Variants in EFL1 observed in about 807,000 individuals in gnomAD.
EFL1 encodes elongation factor-like GTPase 1.
EFL1 carries 76 observed loss-of-function variants against 126.7 expected under a neutral mutation model. That is an observed-to-expected ratio of 0.60 (90% CI 0.50 to 0.73). EFL1 has a LOEUF of 0.73. EFL1 is among the 30% of genes least tolerant of loss of function. The probability of loss-of-function intolerance (pLI) is 0.00; values close to 1 mark genes in which losing one functional copy is unlikely to be tolerated. For missense variants in EFL1, 1,128 were observed against 1,343.2 expected (o/e 0.84, Z 2.50); for synonymous variants, 410 against 448.4 (o/e 0.91, Z 1.08).
intron 19 of EFL1, among the ~76,000 whole-genome samples, chr15:82,131,085 T>TATTC (rs1168427032): frequency 2.0e-5 from 3 of 152,182 alleles, no homozygotes; most frequent in Non-Finnish European, 2.9e-5. Flanking sequence ...ACAAAACTTG[T>TATTC]AACATACATT....
chr15:82,219,592 T>C (rs1208227271), intron 14 of EFL1, 60 bp downstream of exon 14: 6 of 1,526,192 alleles, frequency 3.9e-6, no homozygotes, highest in Non-Finnish European at 4.4e-6. Flanking sequence ...CCCAACAAAA[T>C]GTGAAAAGAT....
At chr15:82,185,830 C>T (rs896557595) in intron 15 of EFL1, among the ~76,000 whole-genome samples, 6 of 152,044 alleles carry the variant, frequency 3.9e-5, no homozygotes, top group African/African-American at 1.2e-4. Flanking sequence ...AATCAAGGGG[C>T]GTATTTGCAT....
Position 82,262,724 on chromosome 15 carries a change from C to A in EFL1, c.-130G>T. On this transcript the variant is annotated 5_prime_UTR_variant, in exon 1 of 20. Coordinates refer to ENST00000268206, the MANE Select transcript of EFL1 (RefSeq NM_024580.6). ...TCCGACACGCCCGCGCGCCAGGGGG[C>A]GGGGCCGGCTGTCGCTCGACCTTTC... 1 of 871,294 alleles carries A rather than the reference C, an allele frequency of 1.1e-6. No individual in the cohort carries two copies. The highest frequency in any genetic ancestry group is 1.7e-6 in the Non-Finnish European group (1 of 592,692). 54.0% of individuals were successfully genotyped at this position (871,294 alleles called of 1,614,324 possible).
intron 12 of EFL1, among the ~76,000 whole-genome samples, chr15:82,221,048 C>T (rs541955623): frequency 6.6e-6 from 1 of 152,230 alleles, no homozygotes; most frequent in Admixed American, 6.5e-5. Context: ...CAAGACCAAA[C>T]CCTGTCCTAA....
At chr15:82,184,167 TG>T (rs2074279763) in intron 15 of EFL1, among the ~76,000 whole-genome samples, 1 of 152,230 alleles carries the variant, frequency 6.6e-6, no homozygotes, top group African/African-American at 2.4e-5. Context: ...TCATTATAAA[TG>T]TCTATCTTTG....
chr15:82,171,231 T>C (rs192115977), intron 15 of EFL1, among the ~76,000 whole-genome samples: 1 of 152,248 alleles, frequency 6.6e-6, no homozygotes, highest in Non-Finnish European at 1.5e-5. Context: ...CACCTTGAAC[T>C]GTGAGCTATT....
Position 82,233,979 on chromosome 15 carries a change from G to C in EFL1, c.732-3008C>G, listed in dbSNP as rs539488071. Reference sequence around the variant, plus strand: ...CATATCAACTTGTTGAGAACAGACAGTAGCCAATCTCTAAATCTGACCTTG... The same window carrying C: ...CATATCAACTTGTTGAGAACAGACACTAGCCAATCTCTAAATCTGACCTTG... On this transcript the variant is annotated intron_variant, in intron 7 of 19. Coordinates refer to ENST00000268206, the MANE Select transcript of EFL1 (RefSeq NM_024580.6). Among the ~76,000 whole-genome samples, 28 of 152,300 alleles carry C rather than the reference G, an allele frequency of 1.8e-4. No individual in the cohort carries two copies. The East Asian group carries it at 3.3e-3, about 18-fold the overall frequency.
intron 14 of EFL1, among the ~76,000 whole-genome samples, chr15:82,219,134 C>T (rs1414345622): frequency 6.6e-6 from 1 of 152,186 alleles, no homozygotes; most frequent in Non-Finnish European, 1.5e-5. Flanking sequence ...TGTTCTGAGA[C>T]ATCTCTAGCC....
At chr15:82,163,151 G>T (rs1341214862) in intron 16 of EFL1, among the ~76,000 whole-genome samples, 1 of 152,206 alleles carries the variant, frequency 6.6e-6, no homozygotes, top group Non-Finnish European at 1.5e-5. Context: ...AATTCTCAGT[G>T]TGCAGATAAT....
intron 15 of EFL1, among the ~76,000 whole-genome samples, chr15:82,211,241 T>A (rs2074581008): frequency 6.6e-6 from 1 of 151,696 alleles, no homozygotes; most frequent in Non-Finnish European, 1.5e-5. Flanking sequence ...TATACCAGAC[T>A]CTCGGCTGGG....
chr15:82,151,471 C>G lies in EFL1; in HGVS notation c.2983G>C (p.Val995Leu). The G allele has an allele frequency of 1.2e-6, 2 of 1,607,576 alleles. No homozygotes were observed. Among genetic ancestry groups the G allele is most frequent in the Non-Finnish European group, 1.7e-6 (2 of 1,177,430 alleles). The change falls in exon 18 of 20, where the codon GTT becomes CTT. Residue 995 changes from valine to leucine, a missense_variant. This residue lies in a region of EFL1 where 561 missense variants were observed against 641.7 expected (regional missense o/e 0.87). Transcript: ENST00000268206. ...YTCDIMATGD[V>L]LGRVYAVLSK... ...TTTACCTTTTCTTCCTTACCGAGAA[C>G]ATCACCAGTGGCCATGATGTCACAT... is the stretch of plus-strand genomic sequence containing the variant.
chr15:82,200,283 G>A (rs1239507307), intron 15 of EFL1, among the ~76,000 whole-genome samples: 1 of 152,178 alleles, frequency 6.6e-6, no homozygotes, highest in African/African-American at 2.4e-5. Context: ...TAGAAAATAA[G>A]AGAATTTTTT....
chr15:82,181,621 CAT>C lies in EFL1; in HGVS notation c.1751-17639_1751-17638del, dbSNP rs1491316204. Among the ~76,000 whole-genome samples the C allele has an allele frequency of 1.1e-4, 10 of 94,092 alleles. No homozygotes were observed. The East Asian group carries it at 1.9e-3, about 18-fold the overall frequency. 61.7% of individuals were successfully genotyped at this position (94,092 alleles called of 152,430 possible). On this transcript the variant is annotated intron_variant, in intron 15 of 19. Transcript: ENST00000268206. ...GCATGAATTCTAATTTATGTGTGTGCATGTGTGTGTGTGTGTGTGTGTGTATA... is the reference window on the plus strand; with the variant it reads ...GCATGAATTCTAATTTATGTGTGTGCGTGTGTGTGTGTGTGTGTGTGTATA...
intron 15 of EFL1, among the ~76,000 whole-genome samples, chr15:82,194,458 A>C (rs542288090): frequency 2.6e-5 from 4 of 152,334 alleles, no homozygotes; most frequent in Non-Finnish European, 4.4e-5. Flanking sequence ...TGATCTGAAA[A>C]ACACAAAAAG....
intron 1 of EFL1, 149 bp from the exon 2 acceptor site, chr15:82,261,946 A>T (rs1596018360): frequency 1.7e-5 from 10 of 588,786 alleles, no homozygotes; most frequent in Non-Finnish European, 2.4e-5. Context: ...TAGACCACCA[A>T]GGCCTAAGTC....
chr15:82,236,587 A>G (rs1336266509), intron 7 of EFL1, among the ~76,000 whole-genome samples: 1 of 152,234 alleles, frequency 6.6e-6, no homozygotes, highest in African/African-American at 2.4e-5. Flanking sequence ...TTTTCAACAA[A>G]GCGTTCTAGA....
chr15:82,216,785 C>G (rs2074651722), intron 14 of EFL1, among the ~76,000 whole-genome samples: 1 of 151,984 alleles, frequency 6.6e-6, no homozygotes, highest in African/African-American at 2.4e-5. Flanking sequence ...TTTCAATTTT[C>G]TTAGGATACA....
chr15:82,251,434 G>A (rs936519828), intron 4 of EFL1, among the ~76,000 whole-genome samples: 7 of 152,094 alleles, frequency 4.6e-5, no homozygotes, highest in Non-Finnish European at 7.3e-5. Flanking sequence ...CTCAAGGGAG[G>A]GGGACTAGAG....
intron 15 of EFL1, among the ~76,000 whole-genome samples, chr15:82,213,403 T>C (rs1246565346): frequency 6.6e-6 from 1 of 152,184 alleles, no homozygotes; most frequent in Non-Finnish European, 1.5e-5. Flanking sequence ...AAGGCTGCCT[T>C]GGGAAGCAGA....
Sources: allele counts gnomAD v4.1 joint callset (sites outside exome capture counted in the v4.1 genomes callset), GRCh38; gene constraint gnomAD v4.1.1; regional missense constraint gnomAD v4.1.1; transcripts MANE v1.5; gene names NCBI Gene and HGNC (gene_info 2026-07-23, HGNC 2026-07-21).